ARHGEF33: variants seen among roughly 807,000 people sequenced by gnomAD.
ARHGEF33 encodes DH and coiled-coil domain-containing protein ENSP00000381780.
Under a neutral mutation model 101.9 loss-of-function variants are expected in ARHGEF33, and 72 were observed. That is an observed-to-expected ratio of 0.71 (90% CI 0.58 to 0.86). The LOEUF (loss-of-function observed/expected upper bound fraction) is 0.86, where lower values mean the gene tolerates loss of function less well. Ranked by LOEUF, ARHGEF33 falls within the 40% of genes least tolerant of loss-of-function variation. ARHGEF33 has a pLI of 0.00. For synonymous variants in ARHGEF33, 499 were observed against 442.5 expected (o/e 1.13, Z -1.60); for missense variants, 1,169 against 1,111.3 (o/e 1.05, Z -0.74).
intron 7 of ARHGEF33, among the ~76,000 whole-genome samples, chr2:38,932,154 G>T (rs913411737): frequency 2.0e-5 from 3 of 151,658 alleles, no homozygotes; most frequent in Admixed American, 6.6e-5. Context: ...ACAGAGTCTC[G>T]CTCTGTCACC....
intron 2 of ARHGEF33, among the ~76,000 whole-genome samples, chr2:38,910,935 T>C (rs777927884): frequency 6.6e-6 from 1 of 152,202 alleles, no homozygotes; most frequent in South Asian, 2.1e-4. Flanking sequence ...CTGGTCTTAC[T>C]TGAAGCGACT....
chr2:38,908,434 G>A (rs1279045112), intron 2 of ARHGEF33, among the ~76,000 whole-genome samples: 2 of 152,118 alleles, frequency 1.3e-5, no homozygotes, highest in Non-Finnish European at 2.9e-5. Context: ...CTTCAATGAG[G>A]CATTTTTAAA....
intron 1 of ARHGEF33, 142 bp downstream of exon 1, chr2:38,890,128 A>G (rs1353487645): frequency 4.8e-6 from 1 of 206,936 alleles, no homozygotes; most frequent in Non-Finnish European, 1.0e-5. Context: ...TAGGCATTCA[A>G]AGAAATAACT....
intron 9 of ARHGEF33, among the ~76,000 whole-genome samples, chr2:38,939,445 C>A (rs749174914): frequency 6.6e-6 from 1 of 152,158 alleles, no homozygotes; most frequent in African/African-American, 2.4e-5. Flanking sequence ...TTCCCACTAG[C>A]AATGTTTGAG....
In ARHGEF33 at chr2:38,960,463, G is replaced by T; in HGVS notation, c.2158G>T (p.Gly720Cys). 6.7e-7 allele frequency: 1 copy of T among 1,493,886 alleles called. No homozygotes were observed. Among genetic ancestry groups the T allele is most frequent in the Non-Finnish European group, 8.9e-7 (1 of 1,128,274 alleles). The allele number at this position is 1,493,886 out of a possible 1,614,324, so 92.5% of individuals were successfully genotyped here. A position where few individuals can be genotyped will look rare whatever the true frequency, so the allele number is the denominator to read the frequency against. Residue 720 changes from glycine to cysteine, a missense_variant, in exon 16 of 18, where the codon GGC becomes TGC. Coordinates refer to ENST00000409978, the MANE Select transcript of ARHGEF33 (RefSeq NM_001145451.5). ...KEFPRAPPAD[G>C]VAPRLYSTRS... The stretch of plus-strand genomic sequence containing the variant: ...GTTCCCGCGTGCGCCGCCAGCCGAC[G>T]GCGTGGCCCCACGCCTCTACAGCAC...
intron 1 of ARHGEF33, among the ~76,000 whole-genome samples, chr2:38,895,309 T>C (rs540005332): frequency 3.3e-5 from 5 of 152,224 alleles, no homozygotes; most frequent in African/African-American, 4.8e-5. Context: ...ATCACTTCAA[T>C]TGGCGCTTAA....
At position 38,943,182 on chromosome 2, in the gene ARHGEF33, C is replaced by G. The variant is rs1284910156; in HGVS notation, c.791-719C>G. Among the ~76,000 whole-genome samples, 7 of 152,310 alleles carry G rather than the reference C, an allele frequency of 4.6e-5. No homozygotes were observed. In the South Asian group the frequency reaches 6.2e-4, roughly 14 times the overall value. On this transcript the variant is annotated intron_variant, in intron 9 of 17. Coordinates refer to ENST00000409978, the MANE Select transcript of ARHGEF33 (RefSeq NM_001145451.5). Reference sequence around the variant, plus strand: ...ACCTCAGGTGATCTACCCGCCTTGGCCTCCCAAAGTGCTAGGATTACAGGC... The same window carrying G: ...ACCTCAGGTGATCTACCCGCCTTGGGCTCCCAAAGTGCTAGGATTACAGGC...
intron 9 of ARHGEF33, among the ~76,000 whole-genome samples, chr2:38,942,466 ATC>A (rs1667338743): frequency 3.0e-5 from 1 of 33,678 alleles, no homozygotes; most frequent in African/African-American, 1.1e-4. Flanking sequence ...AGCCCCTCTT[ATC>A]TTTTTTTTTT....
At chr2:38,905,009 A>G (rs1014522438) in intron 2 of ARHGEF33, among the ~76,000 whole-genome samples, 1 of 152,122 alleles carries the variant, frequency 6.6e-6, no homozygotes, top group Non-Finnish European at 1.5e-5. Flanking sequence ...AGGTCTTGAG[A>G]GTGGGTCAGT....
At chr2:38,900,572 G>A (rs1666216383) in intron 2 of ARHGEF33, among the ~76,000 whole-genome samples, 1 of 152,164 alleles carries the variant, frequency 6.6e-6, no homozygotes, top group Non-Finnish European at 1.5e-5. Flanking sequence ...CCAGTCACTA[G>A]CTGTTACAAG....
chr2:38,894,426 A>AG (rs1264626047), intron 1 of ARHGEF33, among the ~76,000 whole-genome samples: 1 of 151,504 alleles, frequency 6.6e-6, no homozygotes, highest in Non-Finnish European at 1.5e-5. Flanking sequence ...GCTGGGGGAA[A>AG]AAAAAAAAGA....
intron 17 of ARHGEF33, among the ~76,000 whole-genome samples, chr2:38,970,430 A>C (rs1668142332): frequency 6.6e-6 from 1 of 152,168 alleles, no homozygotes; most frequent in Non-Finnish European, 1.5e-5. Context: ...GTCTCCTTAA[A>C]GCTCATTTCA....
intron 2 of ARHGEF33, among the ~76,000 whole-genome samples, chr2:38,900,229 G>T (rs551164862): frequency 1.4e-3 from 208 of 152,198 alleles, no homozygotes; most frequent in African/African-American, 4.7e-3. Context: ...AGAGACTATT[G>T]CCTATAATTC....
At chr2:38,904,425 G>A (rs968893938) in intron 2 of ARHGEF33, among the ~76,000 whole-genome samples, 2 of 152,064 alleles carry the variant, frequency 1.3e-5, no homozygotes, top group Non-Finnish European at 2.9e-5. Context: ...GAAAAAACAG[G>A]CCGGGTGCAG....
intron 3 of ARHGEF33, among the ~76,000 whole-genome samples, chr2:38,920,851 C>T (rs1306036230): frequency 6.6e-6 from 1 of 152,090 alleles, no homozygotes; most frequent in African/African-American, 2.4e-5. Flanking sequence ...GCCCTGTTGC[C>T]CAGGAGGACA....
At position 38,959,970 on chromosome 2, in the gene ARHGEF33, G is replaced by C; in HGVS notation, c.1665G>C (p.Pro555=). The change falls in exon 16 of 18, where the codon CCG becomes CCC. Residue 555 remains proline (P), a synonymous_variant. Coordinates refer to ENST00000409978, the MANE Select transcript of ARHGEF33 (RefSeq NM_001145451.5). ...AGCGGCCCGAGAGCCTTCTGGCACC[G>C]ACGCAGTTCTGCGCGGCCGAGCAGG... ...KHERPESLLA[P]TQFCAAEQDV... is the part of the protein sequence containing the mutation. The C allele has an allele frequency of 6.4e-7, 1 of 1,551,256 alleles. No homozygotes were observed. Among genetic ancestry groups the C allele is most frequent in the Non-Finnish European group, 8.7e-7 (1 of 1,146,866 alleles).
At chr2:38,892,142 T>C (rs1269093790) in intron 1 of ARHGEF33, among the ~76,000 whole-genome samples, 2 of 152,214 alleles carry the variant, frequency 1.3e-5, no homozygotes, top group African/African-American at 4.8e-5. Flanking sequence ...CTAGAATTTA[T>C]TTCCTGAGAA....
intron 11 of ARHGEF33, among the ~76,000 whole-genome samples, chr2:38,952,705 T>TG (rs1349932106): frequency 1.3e-5 from 2 of 149,258 alleles, no homozygotes; most frequent in Non-Finnish European, 3.0e-5. Flanking sequence ...TAAGATACAT[T>TG]TTTTTTTTTT....
intron 7 of ARHGEF33, among the ~76,000 whole-genome samples, chr2:38,933,649 A>G (rs1667062339): frequency 6.6e-6 from 1 of 152,252 alleles, no homozygotes; most frequent in Non-Finnish European, 1.5e-5. Context: ...TGCTGGGATT[A>G]CAGGTGTGAG....
Sources: gnomAD v4.1 joint callset for allele counts (sites outside exome capture counted in the v4.1 genomes callset) on GRCh38, gnomAD v4.1.1 for gene constraint, MANE v1.5 for transcripts, NCBI Gene and HGNC (gene_info 2026-07-23, HGNC 2026-07-21) for gene names.